Variants in CLNK observed in about 807,000 individuals in gnomAD.
The protein encoded by CLNK is cytokine dependent hematopoietic cell linker, also known as cytokine-dependent hematopoietic cell linker.
Under a neutral mutation model 68.6 loss-of-function variants are expected in CLNK, and 74 were observed. The observed-to-expected ratio is 1.08, with a 90% CI of 0.89 to 1.31. CLNK has a LOEUF of 1.31. CLNK is among the 50% of genes most tolerant of loss of function. CLNK has a pLI of 0.00. For synonymous variants in CLNK, 198 were observed against 172.2 expected (o/e 1.15, Z -1.17); for missense variants, 553 against 515.3 (o/e 1.07, Z -0.71).
chr4:10,671,161 G>C (rs1176591632), intron 1 of CLNK, among the ~76,000 whole-genome samples: 1 of 152,122 alleles, frequency 6.6e-6, no homozygotes, highest in Non-Finnish European at 1.5e-5. Context: ...CGAGGCGACT[G>C]GATCACCTGA....
chr4:10,505,239 C>G (rs955643477), intron 17 of CLNK, among the ~76,000 whole-genome samples: 1 of 152,184 alleles, frequency 6.6e-6, no homozygotes, highest in African/African-American at 2.4e-5. Flanking sequence ...GCTGCATCAG[C>G]CAACCACCCA....
chr4:10,563,255 A>G (rs1463745650), intron 7 of CLNK, among the ~76,000 whole-genome samples: 4 of 152,270 alleles, frequency 2.6e-5, no homozygotes, highest in South Asian at 2.1e-4. Context: ...AAACTAAAAA[A>G]GAATAGTGAA....
rs554151690 is a variant in CLNK, at chr4:10,656,600, T to C, written c.11+11259A>G. ...TAACTGGGTCACATAGGCACACTTG[T>C]GGGTAGAAAGCATAAAATGACCTGG... On this transcript the variant is annotated intron_variant, in intron 2 of 18. Transcript: ENST00000226951. The C allele has an allele frequency of 3.3e-5, 5 of 152,230 alleles. No homozygotes were observed. The East Asian group carries it at 9.7e-4, about 29-fold the overall frequency. The allele number at this position is 152,230 out of a possible 1,614,324, so 9.4% of individuals were successfully genotyped here.
Position 10,584,947 on chromosome 4 carries a change from G to A in CLNK, c.92C>T (p.Pro31Leu), listed in dbSNP as rs61759824. 0.052 allele frequency: 84,339 copies of A among 1,613,330 alleles called. 2,511 individuals are homozygous for A. Among genetic ancestry groups the A allele is most frequent in the Middle Eastern group, 0.064 (386 of 6,058 alleles). Residue 31 changes from proline to leucine, a missense_variant, in exon 4 of 19, where the codon CCT becomes CTT. Physicochemically the swap from Pro to Leu is moderately conservative, Grantham distance 98. Coordinates refer to ENST00000226951, the MANE Select transcript of CLNK (RefSeq NM_052964.4). ...NFSLPKNRSW[P>L]RINSATGQYQ... is the part of the protein sequence containing the mutation. ...CTCACCTGTGGCACTATTGATGCGA[G>A]GCCATGACCTAGGGCAGAAAAGAGA...
intron 2 of CLNK, among the ~76,000 whole-genome samples, chr4:10,631,567 T>A (rs1722891816): frequency 6.6e-6 from 1 of 152,192 alleles, no homozygotes; most frequent in Non-Finnish European, 1.5e-5. Flanking sequence ...TAGACATGTA[T>A]ATGCAATGGT....
chr4:10,558,745 T>G (rs1305223258), intron 7 of CLNK, among the ~76,000 whole-genome samples: 1 of 152,160 alleles, frequency 6.6e-6, no homozygotes. Context: ...AACTTCAGAT[T>G]TTTCATCTTT....
At chr4:10,699,242 A>ACACCACG in the CLNK span, among the ~76,000 whole-genome samples, 52 of 56,834 alleles carry the variant, frequency 9.1e-4, 3 homozygotes, top group African/African-American at 2.6e-3. Context: ...ATACACACAC[A>ACACCACG]TACACACCAC....
intron 14 of CLNK, among the ~76,000 whole-genome samples, chr4:10,522,957 G>C (rs1317637120): frequency 6.6e-6 from 1 of 152,182 alleles, no homozygotes; most frequent in Admixed American, 6.5e-5. Context: ...CAGAGGCAAG[G>C]AGCCATGGCC....
intron 2 of CLNK, among the ~76,000 whole-genome samples, chr4:10,666,091 C>T (rs760537329): frequency 2.6e-4 from 39 of 152,072 alleles, no homozygotes; most frequent in Admixed American, 2.0e-4. Context: ...GAGAGTGATG[C>T]GGCCACGGGC....
At chr4:10,495,592 G>A (rs1298035261) in intron 18 of CLNK, among the ~76,000 whole-genome samples, 2 of 152,154 alleles carry the variant, frequency 1.3e-5, no homozygotes, top group Non-Finnish European at 2.9e-5. Context: ...CCTAATCCCA[G>A]AATCTGGAAT....
chr4:10,609,289 T>C (rs1721914469), intron 2 of CLNK, among the ~76,000 whole-genome samples: 2 of 152,322 alleles, frequency 1.3e-5, no homozygotes, highest in East Asian at 1.9e-4. Context: ...GGTACTCAGC[T>C]CTAACAGCTG....
chr4:10,708,559 C>G, the CLNK span, among the ~76,000 whole-genome samples: 2 of 152,130 alleles, frequency 1.3e-5, no homozygotes, highest in African/African-American at 4.8e-5. Flanking sequence ...CAGAAATAAG[C>G]ACAAAGTAGG....
In CLNK at chr4:10,487,039, A is replaced by G. The variant is rs1440875299; in HGVS notation, c.*3428T>C. The G allele has an allele frequency of 6.6e-6, 1 of 152,224 alleles. No homozygotes were observed. Among genetic ancestry groups the G allele is most frequent in the African/African-American group, 2.4e-5 (1 of 41,456 alleles). The allele number at this position is 152,224 out of a possible 1,614,324, so 9.4% of individuals were successfully genotyped here. On this transcript the variant is annotated 3_prime_UTR_variant, in exon 19 of 19. Transcript: ENST00000226951. The stretch of plus-strand genomic sequence containing the variant: ...GCTATGCACATTTATACAGAATGAG[A>G]ATTATTTAGTCCAAAAAATATCTGG...
the CLNK span, among the ~76,000 whole-genome samples, chr4:10,706,901 A>C: frequency 2.6e-5 from 4 of 152,190 alleles, no homozygotes; most frequent in African/African-American, 2.4e-5. Flanking sequence ...CGTGATGGGA[A>C]GGGAAGTTGA....
intron 4 of CLNK, among the ~76,000 whole-genome samples, chr4:10,574,168 C>T (rs1720460930): frequency 1.3e-5 from 2 of 152,146 alleles, no homozygotes; most frequent in Admixed American, 6.5e-5. Context: ...TGCATCAGTT[C>T]ATGTCACTCA....
At chr4:10,581,180 T>G (rs1720766146) in intron 4 of CLNK, among the ~76,000 whole-genome samples, 1 of 152,194 alleles carries the variant, frequency 6.6e-6, no homozygotes, top group South Asian at 2.1e-4. Context: ...CTATATGGCC[T>G]AGGTAAGTAG....
chr4:10,698,371 G>C, the CLNK span, among the ~76,000 whole-genome samples: 1 of 152,180 alleles, frequency 6.6e-6, no homozygotes, highest in Non-Finnish European at 1.5e-5. Flanking sequence ...CTTGTACCTG[G>C]TGAAATACCC....
intron 1 of CLNK, among the ~76,000 whole-genome samples, chr4:10,675,461 C>T (rs537082883): frequency 6.6e-6 from 1 of 152,270 alleles, no homozygotes; most frequent in African/African-American, 2.4e-5. Context: ...ATGCAACAAT[C>T]GCATTTCCTT....
At chr4:10,619,822 G>A (rs927288132) in intron 2 of CLNK, among the ~76,000 whole-genome samples, 13 of 152,232 alleles carry the variant, frequency 8.5e-5, no homozygotes, top group Non-Finnish European at 1.6e-4. Context: ...TTTTACAGAT[G>A]AAGAAACTGA....
Sources: allele counts gnomAD v4.1 joint callset (sites outside exome capture counted in the v4.1 genomes callset), GRCh38; gene constraint gnomAD v4.1.1; transcripts MANE v1.5; gene names NCBI Gene and HGNC (gene_info 2026-07-23, HGNC 2026-07-21).